The following KIAA1217 variants were observed in gnomAD, a reference collection of about 807,000 sequenced individuals.
KIAA1217 encodes the protein KIAA1217, also known as sickle tail protein homolog.
KIAA1217 carries 88 observed loss-of-function variants against 163.9 expected under a neutral mutation model. The observed-to-expected ratio is 0.54, with a 90% confidence interval of 0.45 to 0.64. The LOEUF is 0.64. KIAA1217 is among the 30% of genes least tolerant of loss of function. KIAA1217 has a pLI of 0.00. For missense variants in KIAA1217, 2,372 were observed against 2,475.0 expected, an observed-to-expected ratio of 0.96 and a Z score of 0.88; for synonymous variants, 903 against 923.1, an observed-to-expected ratio of 0.98 and a Z score of 0.39.
intron 2 of KIAA1217, among the ~76,000 whole-genome samples, chr10:24,183,758 C>T (rs543725248): frequency 6.6e-6 from 1 of 152,264 alleles, no homozygotes; most frequent in East Asian, 1.9e-4. Flanking sequence ...GAATAACTTT[C>T]CTAAAAATGA....
At chr10:23,851,479 G>C (rs372913841) in intron 1 of KIAA1217, among the ~76,000 whole-genome samples, 14 of 152,158 alleles carry the variant, frequency 9.2e-5, no homozygotes, top group Non-Finnish European at 1.5e-5. Flanking sequence ...ACATATGTGT[G>C]CATGTGTCTT....
chr10:24,220,754 CTTT>C (rs58991505), intron 2 of KIAA1217, among the ~76,000 whole-genome samples: 5 of 74,208 alleles, frequency 6.7e-5, no homozygotes, highest in Admixed American at 1.8e-4. Context: ...GCACCCCGGC[CTTT>C]TTTTTTTTTT....
chr10:23,790,819 G>A (rs1053571448), intron 1 of KIAA1217, among the ~76,000 whole-genome samples: 3 of 151,346 alleles, frequency 2.0e-5, no homozygotes, highest in African/African-American at 4.9e-5. Context: ...TTGCAACATC[G>A]ACCTCCTGGG....
At chr10:24,209,663 G>A (rs200270678) in intron 1 of KIAA1217, among the ~76,000 whole-genome samples, 1 of 152,196 alleles carries the variant, frequency 6.6e-6, no homozygotes, top group Admixed American at 6.5e-5. Context: ...TCATTGGTTG[G>A]GGGATTCCAT....
At chr10:24,425,144 A>AT (rs899432384) in intron 3 of KIAA1217, among the ~76,000 whole-genome samples, 27 of 152,112 alleles carry the variant, frequency 1.8e-4, no homozygotes, top group Non-Finnish European at 3.5e-4. Flanking sequence ...CCGTTTAGCG[A>AT]TTTTTTAGAT....
intron 9 of KIAA1217, among the ~76,000 whole-genome samples, chr10:24,510,252 C>T (rs2134195795): frequency 6.6e-6 from 1 of 152,288 alleles, no homozygotes; most frequent in Admixed American, 6.5e-5. Context: ...CAGGGCCTCA[C>T]TTTTCCCACC....
intron 1 of KIAA1217, among the ~76,000 whole-genome samples, chr10:23,897,475 A>G (rs1418708418): frequency 6.6e-6 from 1 of 151,878 alleles, no homozygotes; most frequent in Non-Finnish European, 1.5e-5. Flanking sequence ...GAAACAATGG[A>G]CTTTGAGCTT....
chr10:24,467,539 ATT>A (rs1726087188), intron 5 of KIAA1217, among the ~76,000 whole-genome samples: 1 of 152,204 alleles, frequency 6.6e-6, no homozygotes, highest in Non-Finnish European at 1.5e-5. Flanking sequence ...TCTGTGTTGT[ATT>A]CAGATAAGGG....
In KIAA1217 at chr10:24,176,809, G is replaced by A. The variant is rs528157563; in HGVS notation, c.-170-42817G>A. Among the ~76,000 whole-genome samples the A allele has an allele frequency of 3.7e-4, 57 of 152,318 alleles. 1 individual carries two copies. The highest frequency in any genetic ancestry group is 3.4e-3 in the Middle Eastern group (1 of 294). On this transcript the variant is annotated intron_variant, in intron 2 of 18. Transcript: ENST00000376462. ...CCCATCGGGGAGGCTCAAGCCATGC[G>A]GTAGCCCACGGGGCAGGGGAGGCTC...
chr10:23,839,632 ATC>A (rs1256911816), intron 1 of KIAA1217, among the ~76,000 whole-genome samples: 1 of 152,200 alleles, frequency 6.6e-6, no homozygotes, highest in East Asian at 1.9e-4. Flanking sequence ...CTCTCCTGTC[ATC>A]TCTCTGTGTG....
chr10:24,347,243 T>A (rs548214874), intron 2 of KIAA1217, among the ~76,000 whole-genome samples: 13 of 152,308 alleles, frequency 8.5e-5, no homozygotes, highest in African/African-American at 2.9e-4. Context: ...TTTTTCGTGG[T>A]CATTTTCAGG....
At chr10:24,404,039 C>A (rs544302468) in intron 3 of KIAA1217, among the ~76,000 whole-genome samples, 3 of 152,126 alleles carry the variant, frequency 2.0e-5, no homozygotes, top group African/African-American at 4.8e-5. Context: ...TCCACCATAG[C>A]CCCCATCTCC....
chr10:24,370,264 CAA>C lies in KIAA1217; in HGVS notation c.355-10585_355-10584del, dbSNP rs5783891. ...TGGGCAACAGAGCGAGACTCTGTCTCAAAAAAAAAAAAAAAAAAAAAGACATC... is the reference window on the plus strand; with the variant it reads ...TGGGCAACAGAGCGAGACTCTGTCTCAAAAAAAAAAAAAAAAAAAGACATC... On this transcript the variant is annotated intron_variant, in intron 2 of 20. Coordinates refer to ENST00000376454, the MANE Select transcript of KIAA1217 (RefSeq NM_019590.5). Among the ~76,000 whole-genome samples, 603 of 73,406 alleles carry C rather than the reference CAA, an allele frequency of 8.2e-3. 1 individual carries two copies. The highest frequency in any genetic ancestry group is 0.014 in the African/African-American group (273 of 19,390). 48.2% of individuals were successfully genotyped at this position (73,406 alleles called of 152,430 possible).
chr10:24,206,520 A>G (rs2067563503), upstream of KIAA1217, among the ~76,000 whole-genome samples: 1 of 152,156 alleles, frequency 6.6e-6, no homozygotes. Flanking sequence ...TGCTTTGGAG[A>G]AAGATATGGA....
chr10:24,223,745 G>C (rs1590027379), intron 2 of KIAA1217, among the ~76,000 whole-genome samples: 1 of 118,934 alleles, frequency 8.4e-6, no homozygotes, highest in South Asian at 2.7e-4. Flanking sequence ...ACAGGGTCTT[G>C]CTCTGTTGCC....
intron 1 of KIAA1217, among the ~76,000 whole-genome samples, chr10:23,803,988 T>C (rs576934343): frequency 6.6e-6 from 1 of 152,184 alleles, no homozygotes; most frequent in Non-Finnish European, 1.5e-5. Context: ...ATATATGATA[T>C]AAATATGGAA....
chr10:24,457,251 A>C (rs1020850659), intron 5 of KIAA1217, among the ~76,000 whole-genome samples: 1 of 152,116 alleles, frequency 6.6e-6, no homozygotes, highest in African/African-American at 2.4e-5. Flanking sequence ...GAGGGAAGAT[A>C]AGCTACCTTT....
intron 3 of KIAA1217, among the ~76,000 whole-genome samples, chr10:24,430,676 T>C (rs555498222): frequency 6.6e-6 from 1 of 152,308 alleles, no homozygotes; most frequent in African/African-American, 2.4e-5. Context: ...TGGGATTCTC[T>C]TAAGGCGCAT....
chr10:24,279,284 T>C (rs1388245042), intron 2 of KIAA1217, among the ~76,000 whole-genome samples: 1 of 151,976 alleles, frequency 6.6e-6, no homozygotes, highest in African/African-American at 2.4e-5. Flanking sequence ...GTTTGTTTTT[T>C]TTTTTAAAAA....
Sources: gnomAD v4.1 joint callset for allele counts (sites outside exome capture counted in the v4.1 genomes callset) on GRCh38, gnomAD v4.1.1 for gene constraint, MANE v1.5 for transcripts, NCBI Gene and HGNC (gene_info 2026-07-23, HGNC 2026-07-21) for gene names.